Variants in SLC35F2 observed in about 807,000 individuals in gnomAD.
SLC35F2 encodes queuine/queuosine transporter SLC35F2.
In SLC35F2, 25 loss-of-function variants were observed where a neutral mutation model predicts 38.1. The ratio of observed to expected loss-of-function variants is 0.66; its 90% CI spans 0.48 to 0.92. The LOEUF is 0.92. SLC35F2 is among the 40% of genes least tolerant of loss of function. The probability of loss-of-function intolerance (pLI) is 0.00; values close to 1 mark genes in which losing one functional copy is unlikely to be tolerated. For missense variants in SLC35F2, 409 were observed against 452.9 expected, an observed-to-expected ratio of 0.90 and a Z score of 0.88; for synonymous variants, 173 against 181.7, an observed-to-expected ratio of 0.95 and a Z score of 0.38.
chr11:107,824,171 G>A (rs559574877), intron 1 of SLC35F2, among the ~76,000 whole-genome samples: 1 of 151,222 alleles, frequency 6.6e-6, no homozygotes, highest in Non-Finnish European at 1.5e-5. Context: ...TTAAAAAATA[G>A]ATAGTGTATT....
In SLC35F2 at chr11:107,841,924, G is replaced by A. The variant is rs148644108; in HGVS notation, c.110+16734C>T. ...CTAAAAATACACAAAAGATTAGCCG[G>A]GCGTGGTGGTGTGCACCTGTAATCC... On this transcript the variant is annotated intron_variant, in intron 1 of 7. Transcript: ENST00000525815. Among the ~76,000 whole-genome samples, 789 of 151,790 alleles carry A rather than the reference G, an allele frequency of 5.2e-3. 2 individuals are homozygous for A. Among genetic ancestry groups the A allele is most frequent in the Middle Eastern group, 0.014 (4 of 294 alleles).
chr11:107,849,354 T>C (rs1408919991), intron 1 of SLC35F2, among the ~76,000 whole-genome samples: 3 of 152,030 alleles, frequency 2.0e-5, no homozygotes. Context: ...CAATAGGGAT[T>C]GAGGCCAGGT....
chr11:107,800,276 T>C (rs1297845001), intron 7 of SLC35F2, among the ~76,000 whole-genome samples: 2 of 151,698 alleles, frequency 1.3e-5, no homozygotes, highest in African/African-American at 4.9e-5. Flanking sequence ...TCTGCAAAGA[T>C]AACAGCTGGT....
chr11:107,801,952 G>T (rs1859316267), intron 7 of SLC35F2, among the ~76,000 whole-genome samples: 2 of 152,002 alleles, frequency 1.3e-5, no homozygotes, highest in Admixed American at 1.3e-4. Context: ...TAAAATAAAT[G>T]GCTCCGCCAG....
At chr11:107,803,600 T>TAAAG in intron 6 of SLC35F2, 3 of 699,940 alleles carry the variant, frequency 4.3e-6, no homozygotes, top group Non-Finnish European at 5.3e-6. Flanking sequence ...AAAGTATCTT[T>TAAAG]AAAGACATCA....
intron 1 of SLC35F2, among the ~76,000 whole-genome samples, chr11:107,853,899 T>C (rs1005799736): frequency 9.9e-5 from 15 of 151,930 alleles, no homozygotes; most frequent in Non-Finnish European, 1.6e-4. Flanking sequence ...AGTTGATGGT[T>C]GTTACAAGGA....
intron 3 of SLC35F2, among the ~76,000 whole-genome samples, chr11:107,808,555 C>G (rs1008097113): frequency 1.3e-5 from 2 of 152,274 alleles, no homozygotes; most frequent in South Asian, 2.1e-4. Flanking sequence ...CCCTGATTCT[C>G]TCTGTATCTG....
chr11:107,855,146 A>G (rs1267925834), intron 1 of SLC35F2, among the ~76,000 whole-genome samples: 1 of 152,156 alleles, frequency 6.6e-6, no homozygotes, highest in East Asian at 1.9e-4. Context: ...GGAAACTTTA[A>G]TTAACAAAAG....
At chr11:107,833,209 A>G (rs1859876735) in intron 1 of SLC35F2, among the ~76,000 whole-genome samples, 1 of 152,098 alleles carries the variant, frequency 6.6e-6, no homozygotes, top group Non-Finnish European at 1.5e-5. Flanking sequence ...GTGGTTGCAG[A>G]TGAAGAAACT....
chr11:107,844,703 G>A lies in SLC35F2; in HGVS notation c.110+13955C>T, dbSNP rs561500439. 1.1e-3 allele frequency among the ~76,000 whole-genome samples: 169 copies of A among 151,780 alleles called. 1 individual carries two copies. The highest frequency in any genetic ancestry group is 3.8e-3 in the African/African-American group (158 of 41,412). On this transcript the variant is annotated intron_variant, in intron 1 of 7. Coordinates refer to ENST00000525815, the MANE Select transcript of SLC35F2 (RefSeq NM_017515.5). ...TGTAAGAATTACACAGGCCGGGCGC[G>A]GTGGCTCACGCCTGTAATCCCAGCA...
intron 7 of SLC35F2, among the ~76,000 whole-genome samples, chr11:107,801,554 A>G (rs1216105348): frequency 6.6e-6 from 1 of 152,064 alleles, no homozygotes; most frequent in Non-Finnish European, 1.5e-5. Context: ...GGTATAAATG[A>G]CTGGGGTTCC....
At chr11:107,848,175 TA>T (rs1860126710) in intron 1 of SLC35F2, among the ~76,000 whole-genome samples, 1 of 151,992 alleles carries the variant, frequency 6.6e-6, no homozygotes, top group Non-Finnish European at 1.5e-5. Context: ...ATGATACACA[TA>T]AAAATGGCTA....
rs115740362 is a variant in SLC35F2, at chr11:107,805,928, G to A, written c.575-413C>T. On this transcript the variant is annotated intron_variant, in intron 4 of 7. Transcript: ENST00000525815. Reference sequence around the variant, plus strand: ...CCCAAAGTACTGGGATTACAGGTGCGAGCGACTGTGCCTGGCCTAATTTTT... The same window carrying A: ...CCCAAAGTACTGGGATTACAGGTGCAAGCGACTGTGCCTGGCCTAATTTTT... 9.0e-3 allele frequency among the ~76,000 whole-genome samples: 1,363 copies of A among 152,216 alleles called. 17 individuals are homozygous for A. Among genetic ancestry groups the A allele is most frequent in the African/African-American group, 0.03 (1,237 of 41,528 alleles).
At chr11:107,798,551 T>C (rs1388032829) in intron 7 of SLC35F2, among the ~76,000 whole-genome samples, 1 of 152,208 alleles carries the variant, frequency 6.6e-6, no homozygotes, top group Non-Finnish European at 1.5e-5. Flanking sequence ...CTTTGTCTTG[T>C]AAAATTCTTT....
intron 5 of SLC35F2, 83 bp from the exon 6 acceptor site, chr11:107,804,853 C>T (rs1322335436): frequency 3.2e-6 from 4 of 1,231,658 alleles, no homozygotes; most frequent in Non-Finnish European, 4.6e-6. Flanking sequence ...TATACTTCAG[C>T]TAAAGTGAGG....
chr11:107,858,711 C>G lies in SLC35F2; in HGVS notation c.57G>C (p.Ala19=). ...PGAPEPLAEG[A]AAEFSSLLRR... ...GCAGCAGGCTGGAGAACTCGGCCGC[C>G]GCTCCCTCCGCGAGGGGCTCTGGGG... Residue 19 remains alanine (A), a synonymous_variant, in exon 1 of 8, where the codon GCG becomes GCC. Transcript: ENST00000525815. 7.7e-7 allele frequency: 1 copy of G among 1,300,522 alleles called. No homozygotes were observed. The highest frequency in any genetic ancestry group is 9.8e-7 in the Non-Finnish European group (1 of 1,016,550). The allele number at this position is 1,300,522 out of a possible 1,614,324, so 80.6% of individuals were successfully genotyped here.
rs761786607 is a variant in SLC35F2 at position 107,805,478 on chromosome 11, A to C, written c.612T>G (p.Leu204=). ...TTGAAATGGCATAGAGGGAAGCCCC[A>C]AGAAGGACCAAGATGTCACCAATCA... ...DVLIGDILVL[L]GASLYAISNV... is the part of the protein sequence containing the mutation. Residue 204 remains leucine (L), a synonymous_variant, in exon 5 of 8, where the codon CTT becomes CTG. Coordinates refer to ENST00000525815, the MANE Select transcript of SLC35F2 (RefSeq NM_017515.5). The C allele has an allele frequency of 6.2e-7, 1 of 1,614,006 alleles. No individual in the cohort carries two copies. Among genetic ancestry groups the C allele is most frequent in the Non-Finnish European group, 8.5e-7 (1 of 1,179,986 alleles).
intron 1 of SLC35F2, among the ~76,000 whole-genome samples, chr11:107,828,331 G>A (rs1351467879): frequency 6.6e-6 from 1 of 151,634 alleles, no homozygotes; most frequent in Non-Finnish European, 1.5e-5. Context: ...CTACTCAGGA[G>A]GCTGAGGCAG....
At chr11:107,812,795 GA>G (rs1299745487) in intron 2 of SLC35F2, among the ~76,000 whole-genome samples, 1 of 152,176 alleles carries the variant, frequency 6.6e-6, no homozygotes, top group Non-Finnish European at 1.5e-5. Context: ...CCTAGGAAAT[GA>G]AATGTTTTCC....
Sources: allele counts gnomAD v4.1 joint callset (sites outside exome capture counted in the v4.1 genomes callset), GRCh38; gene constraint gnomAD v4.1.1; transcripts MANE v1.5; gene names NCBI Gene and HGNC (gene_info 2026-07-23, HGNC 2026-07-21).